COL5A1: variants seen among roughly 807,000 people sequenced by gnomAD.
COL5A1 encodes the protein collagen type V alpha 1 chain.
COL5A1 carries 16 observed loss-of-function variants against 263.7 expected under a neutral mutation model. That is an observed-to-expected ratio of 0.06 (90% CI 0.04 to 0.09). COL5A1 has a LOEUF of 0.09. Among genes scored for constraint, COL5A1 ranks in the 10% least tolerant of loss-of-function variants. COL5A1 has a pLI of 1.00. For synonymous variants in COL5A1, 1,012 were observed against 1,004.5 expected (o/e 1.01, Z -0.14); for missense variants, 2,036 against 2,540.5 (o/e 0.80, Z 4.27).
intron 4 of COL5A1, among the ~76,000 whole-genome samples, chr9:134,712,808 C>T (rs1834112700): frequency 1.3e-5 from 2 of 151,862 alleles, no homozygotes; most frequent in South Asian, 2.1e-4. Flanking sequence ...GTTCAAATGG[C>T]CCCACCCTGT....
At chr9:134,659,926 T>C (rs1331425203) in intron 1 of COL5A1, among the ~76,000 whole-genome samples, 1 of 152,058 alleles carries the variant, frequency 6.6e-6, no homozygotes, top group African/African-American at 2.4e-5. Context: ...GCCAGGTAGG[T>C]GCTGCCTGTT....
chr9:134,786,637 T>A (rs560808532), intron 31 of COL5A1, among the ~76,000 whole-genome samples: 1 of 152,362 alleles, frequency 6.6e-6, no homozygotes, highest in South Asian at 2.1e-4. Flanking sequence ...ACCTTTCTTA[T>A]GTGAAATCAT....
At chr9:134,826,147 C>T (rs558643126) in intron 63 of COL5A1, among the ~76,000 whole-genome samples, 108 of 152,356 alleles carry the variant, frequency 7.1e-4, no homozygotes, top group African/African-American at 2.4e-3. Context: ...CACCTGGCAT[C>T]CTGCCGTCCC....
At chr9:134,704,951 A>G (rs1458701027) in intron 4 of COL5A1, among the ~76,000 whole-genome samples, 1 of 151,684 alleles carries the variant, frequency 6.6e-6, no homozygotes, top group Non-Finnish European at 1.5e-5. Context: ...GCATAACGAC[A>G]CCTCCCATCT....
chr9:134,697,674 C>T (rs888103118), intron 2 of COL5A1, among the ~76,000 whole-genome samples: 3 of 152,104 alleles, frequency 2.0e-5, no homozygotes, highest in Admixed American at 2.0e-4. Context: ...CGTGGGGCTG[C>T]CATGGTCCTG....
chr9:134,821,985 T>G lies in COL5A1; in HGVS notation c.4555-112T>G. On this transcript the variant is annotated intron_variant, in intron 58 of 65. Coordinates refer to ENST00000371817, the MANE Select transcript of COL5A1 (RefSeq NM_000093.5). The surrounding 1 kb of genome is among the most constrained non-coding windows in gnomAD (Gnocchi z 4.2). ...GAGGCTGCTGAGGGGCCAAAGGGCA[T>G]ACCGTGGGGAAGGGACAGGGGAGCC... is the stretch of plus-strand genomic sequence containing the variant. 1.1e-6 allele frequency: 1 copy of G among 920,194 alleles called. No individual in the cohort carries two copies. The highest frequency in any genetic ancestry group is 1.8e-6 in the Non-Finnish European group (1 of 552,134). The allele number at this position is 920,194 out of a possible 1,614,324, so 57.0% of individuals were successfully genotyped here.
At chr9:134,667,907 C>G (rs1409904300) in intron 1 of COL5A1, among the ~76,000 whole-genome samples, 6 of 152,198 alleles carry the variant, frequency 3.9e-5, no homozygotes, top group African/African-American at 1.4e-4. Flanking sequence ...CATGACATTT[C>G]CCCCAAACTT....
intron 11 of COL5A1, among the ~76,000 whole-genome samples, chr9:134,748,016 C>T (rs923244656): frequency 2.7e-5 from 4 of 150,204 alleles, no homozygotes; most frequent in African/African-American, 4.9e-5. Flanking sequence ...TGCATTCACA[C>T]ACATGCATTC....
At position 134,668,582 on chromosome 9, in the gene COL5A1, C is replaced by A. The variant is rs554134718; in HGVS notation, c.110-22330C>A. On this transcript the variant is annotated intron_variant, in intron 1 of 65. Transcript: ENST00000371817. ...TCAATGCATCCATCCATCCATCTAT[C>A]TACTTGTCCATCCATACCATTAATC... 2.7e-5 allele frequency among the ~76,000 whole-genome samples: 4 copies of A among 148,400 alleles called. No individual in the cohort carries two copies. In the South Asian group the frequency reaches 6.4e-4, roughly 24 times the overall value.
intron 58 of COL5A1, 43 bp downstream of exon 58, chr9:134,820,266 A>C: frequency 6.6e-7 from 1 of 1,515,794 alleles, no homozygotes; most frequent in Non-Finnish European, 9.2e-7. Flanking sequence ...GTCGAGAGGC[A>C]TTTTAGATCC....
chr9:134,719,243 AAGT>A (rs1834368707), intron 4 of COL5A1, among the ~76,000 whole-genome samples: 1 of 152,206 alleles, frequency 6.6e-6, no homozygotes, highest in African/African-American at 2.4e-5. Context: ...ATATGCATAA[AAGT>A]GTGTGCATGC....
chr9:134,808,594 C>T (rs9802339), intron 42 of COL5A1, among the ~76,000 whole-genome samples: 7,063 of 151,278 alleles, frequency 0.047, 385 homozygotes, highest in East Asian at 0.25. Context: ...CATATTCACA[C>T]GTGTGCACAT....
rs146277140 is a variant in COL5A1 at position 134,781,943 on chromosome 9, T to A, written c.2431-724T>A. ...TCCTTTCACTCTTTTTGGATCAAGA[T>A]GTAGCCCCTGAATAATGACAGGAAA... On this transcript the variant is annotated intron_variant, in intron 28 of 65. Coordinates refer to ENST00000371817, the MANE Select transcript of COL5A1 (RefSeq NM_000093.5). Among the ~76,000 whole-genome samples the A allele has an allele frequency of 6.2e-3, 938 of 152,270 alleles. 10 individuals carry two copies. The highest frequency in any genetic ancestry group is 0.021 in the African/African-American group (871 of 41,560).
At position 134,753,847 on chromosome 9, in the gene COL5A1, T is replaced by C. The variant is rs960627780; in HGVS notation, c.1720-3T>C. ...GACATTAACACACACCATGTCTCCC[T>C]AGGGTCCCCCTGGGAGCGGAGGTTT... On this transcript the variant is annotated splice_polypyrimidine_tract_variant and splice_region_variant and intron_variant, in intron 14 of 65. Transcript: ENST00000371817. 2.0e-6 allele frequency: 3 copies of C among 1,482,334 alleles called. No individual in the cohort carries two copies. The highest frequency in any genetic ancestry group is 2.7e-6 in the Non-Finnish European group (3 of 1,097,552). 91.8% of individuals were successfully genotyped at this position (1,482,334 alleles called of 1,614,324 possible). A position where few individuals can be genotyped will look rare whatever the true frequency, so the allele number is the denominator to read the frequency against.
chr9:134,799,702 G>C (rs62571399), intron 37 of COL5A1, among the ~76,000 whole-genome samples: 3,421 of 152,256 alleles, frequency 0.022, 39 homozygotes, highest in East Asian at 0.049. Context: ...ACCTTCACTG[G>C]TGTTCTGCAC....
intron 31 of COL5A1, among the ~76,000 whole-genome samples, chr9:134,787,227 C>G (rs549460979): frequency 9.8e-5 from 15 of 152,286 alleles, no homozygotes; most frequent in African/African-American, 3.4e-4. Context: ...CAAGTCCAGG[C>G]AACTTTTTGG....
chr9:134,820,098 G>C lies in COL5A1; in HGVS notation c.4447-18G>C. 10 of 1,605,100 alleles carry C rather than the reference G, an allele frequency of 6.2e-6. No individual in the cohort carries two copies. The highest frequency in any genetic ancestry group is 8.5e-6 in the Non-Finnish European group (10 of 1,172,062). ...GTGGCTCCCTCAAATGCCCCTTCCT[G>C]TCTTCATTTTCCCACAGGGTCATCC... On this transcript the variant is annotated intron_variant, in intron 57 of 65. Coordinates refer to ENST00000371817, the MANE Select transcript of COL5A1 (RefSeq NM_000093.5).
chr9:134,717,306 A>T (rs962436431), intron 4 of COL5A1, among the ~76,000 whole-genome samples: 6 of 152,218 alleles, frequency 3.9e-5, no homozygotes, highest in Non-Finnish European at 8.8e-5. Context: ...ATGGCACTGT[A>T]CTTGCGGGGA....
intron 1 of COL5A1, among the ~76,000 whole-genome samples, chr9:134,657,274 G>A (rs1408411040): frequency 1.1e-4 from 14 of 126,076 alleles, no homozygotes; most frequent in Middle Eastern, 4.2e-3. Flanking sequence ...GATAATACAG[G>A]GGTGGGGTAG....
Sources: gnomAD v4.1 joint callset for allele counts (sites outside exome capture counted in the v4.1 genomes callset) on GRCh38, gnomAD v4.1.1 for gene constraint, Gnocchi (gnomAD v3.1) non-coding constraint, MANE v1.5 for transcripts, NCBI Gene and HGNC (gene_info 2026-07-23, HGNC 2026-07-21) for gene names.